STK10: variants seen among roughly 807,000 people sequenced by gnomAD.
STK10 encodes the protein serine/threonine kinase 10.
A neutral mutation model predicts 113.8 loss-of-function variants in STK10; 78 were observed. The ratio of observed to expected loss-of-function variants is 0.69; its 90% CI spans 0.57 to 0.83. The LOEUF (loss-of-function observed/expected upper bound fraction) is 0.83. Among genes scored for constraint, STK10 ranks in the 40% least tolerant of loss-of-function variants. The probability of loss-of-function intolerance (pLI) is 0.00; values close to 1 mark genes in which losing one functional copy is unlikely to be tolerated. For synonymous variants in STK10, 465 were observed against 494.7 expected, an observed-to-expected ratio of 0.94 and a Z score of 0.80; for missense variants, 1,109 against 1,280.1, an observed-to-expected ratio of 0.87 and a Z score of 2.04.
intron 1 of STK10, among the ~76,000 whole-genome samples, chr5:172,158,270 TAGGTATATACCCAAA>T (rs1331854015): frequency 6.8e-6 from 1 of 146,352 alleles, no homozygotes; most frequent in African/African-American, 2.5e-5. Flanking sequence ...ATTCTGCTCA[TAGGTATATACCCAAA>T]AAAAAAAGCT....
chr5:172,112,661 C>T lies in STK10; in HGVS notation c.521-4809G>A, dbSNP rs1349788527. Among the ~76,000 whole-genome samples the T allele has an allele frequency of 6.0e-5, 9 of 151,016 alleles. No homozygotes were observed. The East Asian group carries it at 1.4e-3, about 23-fold the overall frequency. ...GTCTCGATCTCCTGACCTCATGATC[C>T]GCCCACCTCGGCCTCCCAAAGTGCT... On this transcript the variant is annotated intron_variant, in intron 4 of 18. Coordinates refer to ENST00000176763, the MANE Select transcript of STK10 (RefSeq NM_005990.4).
chr5:172,090,621 A>G (rs1386840788), intron 9 of STK10, among the ~76,000 whole-genome samples: 1 of 152,098 alleles, frequency 6.6e-6, no homozygotes, highest in African/African-American at 2.4e-5. Context: ...CCTCTCATGC[A>G]TCCAGGACAT....
chr5:172,171,730 T>TAGAATAGAATAGAATAGAATA, intron 1 of STK10, among the ~76,000 whole-genome samples: 1 of 149,122 alleles, frequency 6.7e-6, no homozygotes, highest in African/African-American at 2.5e-5. Flanking sequence ...TAAAATAAAA[T>TAGAATAGAATAGAATAGAATA]GAATAGAATA....
chr5:172,081,304 T>C (rs1345158366), intron 12 of STK10, among the ~76,000 whole-genome samples: 1 of 148,962 alleles, frequency 6.7e-6, no homozygotes, highest in Non-Finnish European at 1.5e-5. Context: ...TGAGCCGAGA[T>C]TGTGCCACTG....
intron 1 of STK10, among the ~76,000 whole-genome samples, chr5:172,174,054 G>A (rs1031242190): frequency 2.0e-5 from 3 of 152,244 alleles, no homozygotes; most frequent in East Asian, 1.9e-4. Flanking sequence ...GCGGCCTCCC[G>A]AGTGTAGCCA....
chr5:172,161,409 C>T (rs1405919019), intron 1 of STK10, among the ~76,000 whole-genome samples: 1 of 151,746 alleles, frequency 6.6e-6, no homozygotes, highest in Non-Finnish European at 1.5e-5. Context: ...GCCGAGATCA[C>T]ACCACTGCAC....
intron 1 of STK10, among the ~76,000 whole-genome samples, chr5:172,175,495 A>G (rs1007545619): frequency 1.3e-5 from 2 of 151,932 alleles, no homozygotes; most frequent in Non-Finnish European, 2.9e-5. Context: ...CAGCAGCCCC[A>G]CCCACCAGGG....
Position 172,127,790 on chromosome 5 carries a change from C to T in STK10, c.322-369G>A, listed in dbSNP as rs550865221. Among the ~76,000 whole-genome samples, 8 of 152,352 alleles carry T rather than the reference C, an allele frequency of 5.3e-5. No individual in the cohort carries two copies. The East Asian group carries it at 1.5e-3, about 29-fold the overall frequency. The stretch of plus-strand genomic sequence containing the variant: ...TGCCCTGTTTCCTATGCTCCACAGC[C>T]AAGAACCTCAGGATGCCTTCCCCCG... On this transcript the variant is annotated intron_variant, in intron 2 of 18. Transcript: ENST00000176763.
chr5:172,087,107 AGT>A (rs201052929), intron 10 of STK10, among the ~76,000 whole-genome samples: 22,789 of 128,598 alleles, frequency 0.18, 2,218 homozygotes, highest in East Asian at 0.41. Flanking sequence ...AGATGACACC[AGT>A]GTGTGTGTGT....
At chr5:172,081,704 C>A (rs753886322) in intron 12 of STK10, among the ~76,000 whole-genome samples, 13 of 152,164 alleles carry the variant, frequency 8.5e-5, no homozygotes, top group Non-Finnish European at 1.6e-4. Flanking sequence ...GGCTGCTCAT[C>A]CACTGCTACC....
chr5:172,173,437 G>A (rs1415025446), intron 1 of STK10, among the ~76,000 whole-genome samples: 1 of 152,214 alleles, frequency 6.6e-6, no homozygotes, highest in Non-Finnish European at 1.5e-5. Flanking sequence ...ACTGTGTGGA[G>A]CTTTCCAGGA....
intron 3 of STK10, among the ~76,000 whole-genome samples, chr5:172,125,760 T>C (rs1230950529): frequency 1.3e-5 from 2 of 152,254 alleles, no homozygotes; most frequent in African/African-American, 4.8e-5. Flanking sequence ...TGTATGTTAC[T>C]ACTGCCTATT....
At chr5:172,155,950 A>T (rs1770338941) in intron 2 of STK10, among the ~76,000 whole-genome samples, 1 of 151,982 alleles carries the variant, frequency 6.6e-6, no homozygotes. Context: ...AGCCAAGATC[A>T]CACCACTGCA....
intron 1 of STK10, among the ~76,000 whole-genome samples, chr5:172,176,699 G>A (rs1770765405): frequency 6.6e-6 from 1 of 152,192 alleles, no homozygotes; most frequent in Non-Finnish European, 1.5e-5. Context: ...GATCAAAACT[G>A]CCAAGTCTAA....
At chr5:172,070,331 A>C (rs1042227607) in intron 12 of STK10, among the ~76,000 whole-genome samples, 1 of 151,508 alleles carries the variant, frequency 6.6e-6, no homozygotes, top group African/African-American at 2.4e-5. Flanking sequence ...CTAAAAAACA[A>C]TAAGAGAAAG....
In STK10 at chr5:172,187,945, T is replaced by G. The variant is rs749870859; in HGVS notation, c.98A>C (p.Asn33Thr). The G allele has an allele frequency of 2.5e-6, 4 of 1,613,564 alleles. No individual in the cohort carries two copies. In the South Asian group the frequency reaches 4.4e-5, roughly 18 times the overall value. The stretch of plus-strand genomic sequence containing the variant: ...CTCGCCCACGATCTCCCACACCTCG[T>G]TGGGGTCCAGGTCGCGGCGGACGTG... The part of the protein sequence containing the change: ...YEHVRRDLDP[N>T]EVWEIVGELG... The change falls in exon 1 of 19, where the codon AAC becomes ACC. Residue 33 changes from asparagine to threonine, a missense_variant. This residue lies in a region of STK10 where 57 missense variants were observed against 53.6 expected (regional missense o/e 1.06). Coordinates refer to ENST00000176763, the MANE Select transcript of STK10 (RefSeq NM_005990.4). This position sits in a 1 kb window ranked among gnomAD's most constrained non-coding sequence, Gnocchi z 4.6.
In STK10 at chr5:172,050,980, C is replaced by T. The variant is rs950367085; in HGVS notation, c.2766+1949G>A. ...AATCCCAGCACTTTAGGAGTGGTGGCGGGTGCCTGTAATCCCAGCTGCTCA... is the reference window on the plus strand; with the variant it reads ...AATCCCAGCACTTTAGGAGTGGTGGTGGGTGCCTGTAATCCCAGCTGCTCA... On this transcript the variant is annotated intron_variant, in intron 18 of 18. Transcript: ENST00000176763. 1.4e-4 allele frequency among the ~76,000 whole-genome samples: 21 copies of T among 151,884 alleles called. 1 individual carries two copies. The highest frequency in any genetic ancestry group is 9.8e-4 in the Admixed American group (15 of 15,234).
In STK10 at chr5:172,093,879, A is replaced by G; in HGVS notation, c.1087T>C (p.Ser363Pro). 1 of 1,567,270 alleles carries G rather than the reference A, an allele frequency of 6.4e-7. No individual in the cohort carries two copies. The highest frequency in any genetic ancestry group is 8.7e-7 in the Non-Finnish European group (1 of 1,153,092). ...NADKPLEESP[S>P]TPLAPSQSQD... ...GACTGGCTGGGTGCCAGCGGGGTGG[A>G]AGGTGACTCCTCGAGAGGCTTGTCA... The change falls in exon 9 of 19, where the codon TCC (serine) becomes CCC (proline). Residue 363 changes from serine (S) to proline (P), a missense_variant. Transcript: ENST00000176763. This position sits in a 1 kb window ranked among gnomAD's most constrained non-coding sequence, Gnocchi z 4.1.
chr5:172,172,345 T>G (rs1770676670), intron 1 of STK10, among the ~76,000 whole-genome samples: 1 of 152,220 alleles, frequency 6.6e-6, no homozygotes, highest in African/African-American at 2.4e-5. Context: ...CCTGGTCGCG[T>G]GGTGCCGCAT....
Sources: allele counts gnomAD v4.1 joint callset (sites outside exome capture counted in the v4.1 genomes callset), GRCh38; gene constraint gnomAD v4.1.1; regional missense constraint gnomAD v4.1.1; non-coding constraint Gnocchi (gnomAD v3.1); transcripts MANE v1.5; gene names NCBI Gene and HGNC (gene_info 2026-07-23, HGNC 2026-07-21).